KRABD2: variants seen among roughly 807,000 people sequenced by gnomAD.
The protein encoded by KRABD2 is KRAB domain-containing protein 2.
the KRABD2 span, among the ~76,000 whole-genome samples, chr17:8,374,937 CAAAAAAA>C: frequency 4.5e-4 from 21 of 46,182 alleles, no homozygotes; most frequent in African/African-American, 1.6e-3. Context: ...GACTCTGTCA[CAAAAAAA>C]AAAAAAAAAA....
chr17:8,363,807 AT>A, the KRABD2 span, among the ~76,000 whole-genome samples: 1 of 131,716 alleles, frequency 7.6e-6, no homozygotes, highest in Admixed American at 7.7e-5. Flanking sequence ...ATACATATAT[AT>A]ATCATACATA....
At chr17:8,368,472 A>C in the KRABD2 span, among the ~76,000 whole-genome samples, 1,676 of 152,196 alleles carry the variant, frequency 0.011, 27 homozygotes, top group African/African-American at 0.038. Context: ...CAAGCCAAGG[A>C]CTGCCAAGGA....
At chr17:8,369,188 A>G in the KRABD2 span, 350 of 1,614,124 alleles carry the variant, frequency 2.2e-4, 1 homozygote, top group African/African-American at 4.1e-3. Context: ...CTGAAGCTTC[A>G]GGAGTGGGAT....
At chr17:8,373,880 GAGGAGCGTCTC>G in the KRABD2 span, 1 of 159,340 alleles carries the variant, frequency 6.3e-6, no homozygotes. Flanking sequence ...TCTGGGAGGT[GAGGAGCGTCTC>G]TGCCCAGCCG....
At chr17:8,374,043 G>C in the KRABD2 span, among the ~76,000 whole-genome samples, 1 of 151,644 alleles carries the variant, frequency 6.6e-6, no homozygotes, top group Non-Finnish European at 1.5e-5. Context: ...GGAGGGAGGT[G>C]GGGGGCAGCC....
At chr17:8,366,880 C>T in the KRABD2 span, among the ~76,000 whole-genome samples, 1 of 152,060 alleles carries the variant, frequency 6.6e-6, no homozygotes, top group African/African-American at 2.4e-5. Context: ...TGCCACCGTG[C>T]CCGGCTAATA....
the KRABD2 span, chr17:8,359,535 T>C: frequency 2.2e-6 from 1 of 455,394 alleles, no homozygotes; most frequent in Admixed American, 2.4e-5. Context: ...GCCTGGTACA[T>C]ACTTAGTGCT....
At chr17:8,369,865 CA>C in the KRABD2 span, 2 of 1,614,140 alleles carry the variant, frequency 1.2e-6, no homozygotes, top group South Asian at 2.2e-5. Context: ...GGCTTTGGTG[CA>C]AGGCCTCTCT....
the KRABD2 span, chr17:8,371,597 C>G: frequency 6.6e-7 from 1 of 1,504,434 alleles, no homozygotes; most frequent in African/African-American, 1.4e-5. Flanking sequence ...AAATAGGTCT[C>G]ACATCTAACA....
At chr17:8,370,177 T>C in the KRABD2 span, 4 of 1,613,274 alleles carry the variant, frequency 2.5e-6, no homozygotes, top group Admixed American at 1.7e-5. Flanking sequence ...CCTTTTTCTT[T>C]AGCTTCTTTA....
chr17:8,375,165 C>T, the KRABD2 span, among the ~76,000 whole-genome samples: 1 of 151,930 alleles, frequency 6.6e-6, no homozygotes, highest in South Asian at 2.1e-4. Flanking sequence ...GCACCTGCCA[C>T]CAGGCCCAGC....
the KRABD2 span, chr17:8,376,084 A>C: frequency 8.1e-7 from 1 of 1,231,632 alleles, no homozygotes; most frequent in Non-Finnish European, 1.0e-6. Context: ...TCTTTAGTCG[A>C]CCAGTTCAGA....
At chr17:8,364,952 T>G in the KRABD2 span, among the ~76,000 whole-genome samples, 2 of 151,798 alleles carry the variant, frequency 1.3e-5, no homozygotes, top group African/African-American at 4.8e-5. This position sits in a 1 kb window ranked among gnomAD's most constrained non-coding sequence, Gnocchi z 4.4. Context: ...AAGAATCACC[T>G]GAACCCGGGA....
chr17:8,370,425 G>T, the KRABD2 span: 1 of 1,320,984 alleles, frequency 7.6e-7, no homozygotes, highest in South Asian at 1.5e-5. Flanking sequence ...TAAATTCACT[G>T]ACACTCCCAC....
the KRABD2 span, among the ~76,000 whole-genome samples, chr17:8,375,524 CTT>C: frequency 7.6e-6 from 1 of 131,516 alleles, no homozygotes; most frequent in Admixed American, 8.4e-5. Flanking sequence ...CTTTCAATAT[CTT>C]TTTTCTTTCA....
chr17:8,369,162 T>C, the KRABD2 span: 1 of 1,613,872 alleles, frequency 6.2e-7, no homozygotes, highest in South Asian at 1.1e-5. Flanking sequence ...GGAAGTCCCT[T>C]GTGAGGTGCT....
chr17:8,360,070 C>T, the KRABD2 span, among the ~76,000 whole-genome samples: 3 of 152,144 alleles, frequency 2.0e-5, no homozygotes, highest in South Asian at 4.1e-4. Context: ...TGTAATGTCG[C>T]GGGAAATGCA....
At chr17:8,370,079 A>C in the KRABD2 span, 9 of 1,613,986 alleles carry the variant, frequency 5.6e-6, no homozygotes, top group Non-Finnish European at 6.8e-6. Flanking sequence ...CACGTTCTCC[A>C]TGAGTAGCCT....
chr17:8,374,543 A>G, the KRABD2 span, among the ~76,000 whole-genome samples: 5 of 149,200 alleles, frequency 3.4e-5, no homozygotes, highest in African/African-American at 1.2e-4. Context: ...TCACATGTTT[A>G]TCTGCTGACC....
Sources: gnomAD v4.1 joint callset for allele counts (sites outside exome capture counted in the v4.1 genomes callset) on GRCh38, gnomAD v4.1.1 for gene constraint, Gnocchi (gnomAD v3.1) non-coding constraint, MANE v1.5 for transcripts, NCBI Gene and HGNC (gene_info 2026-07-23, HGNC 2026-07-21) for gene names.